Variants in RBM6 observed in about 807,000 individuals in gnomAD.
The protein encoded by RBM6 is RNA binding motif protein 6, also known as RNA-binding protein 6.
RBM6 carries 23 observed loss-of-function variants against 140.4 expected under a neutral mutation model. The observed-to-expected ratio is 0.16, with a 90% CI of 0.12 to 0.23. The LOEUF is 0.23. RBM6 is among the 10% of genes least tolerant of loss of function. The probability of loss-of-function intolerance (pLI) is 1.00; values close to 1 mark genes in which losing one functional copy is unlikely to be tolerated. For synonymous variants in RBM6, 439 were observed against 475.6 expected (o/e 0.92, Z 1.00); for missense variants, 1,139 against 1,386.7 (o/e 0.82, Z 2.84).
chr3:50,072,875 T>C (rs981216247), intron 19 of RBM6, among the ~76,000 whole-genome samples: 1 of 152,160 alleles, frequency 6.6e-6, no homozygotes, highest in Non-Finnish European at 1.5e-5. Flanking sequence ...AGACCCTTCT[T>C]TATTCTCAGC....
chr3:50,027,570 T>G (rs943916721), intron 6 of RBM6, among the ~76,000 whole-genome samples: 1 of 152,218 alleles, frequency 6.6e-6, no homozygotes, highest in Non-Finnish European at 1.5e-5. Context: ...GCTCTGGATA[T>G]TTCATATAAA....
At chr3:50,043,630 C>G (rs1328341130) in intron 6 of RBM6, among the ~76,000 whole-genome samples, 1 of 151,728 alleles carries the variant, frequency 6.6e-6, no homozygotes, top group African/African-American at 2.4e-5. Flanking sequence ...TCTTGCCAGG[C>G]TAGAGTGCAG....
intron 3 of RBM6, 92 bp downstream of exon 3, chr3:49,968,840 G>A: frequency 7.3e-7 from 1 of 1,378,998 alleles, no homozygotes; most frequent in East Asian, 2.5e-5. Flanking sequence ...GAGTGCAGTG[G>A]TGCGATCTCT....
Position 49,977,218 on chromosome 3 carries a change from C to T in RBM6, c.1483+1826C>T, listed in dbSNP as rs888098342. On this transcript the variant is annotated intron_variant, in intron 5 of 20. Coordinates refer to ENST00000266022, the MANE Select transcript of RBM6 (RefSeq NM_005777.3). ...TCCACCTACCCTATTTTGCTGTAGC[C>T]ACACTGAGCTTTTCTCTTGTCTTTG... 3.9e-5 allele frequency among the ~76,000 whole-genome samples: 6 copies of T among 152,186 alleles called. No homozygotes were observed. The South Asian group carries it at 1.2e-3, about 31-fold the overall frequency.
intron 17 of RBM6, among the ~76,000 whole-genome samples, chr3:50,066,962 G>T (rs2090143068): frequency 1.3e-5 from 2 of 152,032 alleles, no homozygotes; most frequent in Non-Finnish European, 2.9e-5. Context: ...AGGCACCTAG[G>T]TAGATCACTT....
Position 49,986,594 on chromosome 3 carries a change from C to CA in RBM6, c.1483+11217dup, listed in dbSNP as rs377686651. ...TGGGCAACAGAGCAAGACTCCGTCT[C>CA]AAAAAAAAAAAAAAACAAAACAAAA... On this transcript the variant is annotated intron_variant, in intron 5 of 20. Coordinates refer to ENST00000266022, the MANE Select transcript of RBM6 (RefSeq NM_005777.3). Among the ~76,000 whole-genome samples the CA allele has an allele frequency of 1.6e-3, 188 of 114,450 alleles. 1 individual carries two copies. Among genetic ancestry groups the CA allele is most frequent in the East Asian group, 0.014 (34 of 2,416 alleles). The allele number at this position is 114,450 out of a possible 152,430, so 75.1% of individuals were successfully genotyped here. A position where few individuals can be genotyped will look rare whatever the true frequency, so the allele number is the denominator to read the frequency against.
chr3:49,949,602 A>G (rs897390993), intron 1 of RBM6, among the ~76,000 whole-genome samples: 5 of 152,092 alleles, frequency 3.3e-5, no homozygotes, highest in Non-Finnish European at 5.9e-5. Context: ...GATGGTTTCA[A>G]TCTTATGACT....
chr3:50,058,291 C>T, intron 9 of RBM6, 111 bp from the exon 10 acceptor site: 1 of 1,232,354 alleles, frequency 8.1e-7, no homozygotes, highest in Non-Finnish European at 1.2e-6. Context: ...TTTACAGAAC[C>T]AGCCTTGCTA....
At chr3:49,942,046 AGG>A (rs2083305535) in intron 1 of RBM6, among the ~76,000 whole-genome samples, 1 of 151,404 alleles carries the variant, frequency 6.6e-6, no homozygotes, top group Non-Finnish European at 1.5e-5. Context: ...GGTTGTAGTA[AGG>A]GGAGATAGTG....
intron 6 of RBM6, among the ~76,000 whole-genome samples, chr3:50,029,873 A>G (rs1483607464): frequency 1.3e-5 from 2 of 151,130 alleles, no homozygotes; most frequent in African/African-American, 4.9e-5. Flanking sequence ...AATTTTTTAA[A>G]AAGAAATTTA....
At chr3:50,024,989 TCAAAAAA>T (rs754003289) in intron 6 of RBM6, among the ~76,000 whole-genome samples, 107 of 148,220 alleles carry the variant, frequency 7.2e-4, no homozygotes, top group African/African-American at 2.2e-3. Context: ...AGACTCCGTC[TCAAAAAA>T]CAAAAAACAA....
At chr3:50,043,506 T>C (rs1209715229) in intron 6 of RBM6, among the ~76,000 whole-genome samples, 4 of 146,956 alleles carry the variant, frequency 2.7e-5, no homozygotes. Flanking sequence ...AAAAGAGAGA[T>C]CTATCTCTCT....
intron 5 of RBM6, among the ~76,000 whole-genome samples, chr3:49,987,501 A>T (rs1437478576): frequency 6.6e-6 from 1 of 151,858 alleles, no homozygotes; most frequent in South Asian, 2.1e-4. Flanking sequence ...TAATTTTAGT[A>T]GAGACAGGTT....
At chr3:50,069,852 C>T (rs1023280625) in intron 18 of RBM6, among the ~76,000 whole-genome samples, 1 of 152,092 alleles carries the variant, frequency 6.6e-6, no homozygotes, top group African/African-American at 2.4e-5. Context: ...GCTTTGGACT[C>T]CTTAAGTTTT....
At chr3:50,070,391 A>G in intron 18 of RBM6, 64 bp from the exon 19 acceptor site, 1 of 1,164,282 alleles carries the variant, frequency 8.6e-7, no homozygotes, top group Non-Finnish European at 1.3e-6. Context: ...AATGGGGTAG[A>G]ATTTCCCCAC....
chr3:50,063,465 T>C (rs1279079154), intron 15 of RBM6, among the ~76,000 whole-genome samples: 2 of 151,546 alleles, frequency 1.3e-5, no homozygotes, highest in African/African-American at 4.9e-5. Flanking sequence ...TAGCCTACTG[T>C]GGTGATGCAT....
intron 6 of RBM6, among the ~76,000 whole-genome samples, chr3:50,007,026 A>G (rs1261026243): frequency 1.3e-5 from 2 of 151,906 alleles, no homozygotes; most frequent in Non-Finnish European, 2.9e-5. Context: ...CAAAGTCTTA[A>G]GTTACAGCAG....
chr3:49,962,690 G>GCTTT lies in RBM6; in HGVS notation c.44+5_44+6insCTTT. 6.4e-7 allele frequency: 1 copy of GCTTT among 1,568,512 alleles called. No homozygotes were observed. The highest frequency in any genetic ancestry group is 2.1e-5 in the Admixed American group (1 of 48,522). ...TAACAGAACTGGACCTTTTCGGTAA[G>GCTTT]TTCTCAAATTTGAATATTGAAATTG... On this transcript the variant is annotated splice_donor_region_variant and intron_variant, in intron 2 of 20. Coordinates refer to ENST00000266022, the MANE Select transcript of RBM6 (RefSeq NM_005777.3).
At chr3:49,971,986 C>A in intron 3 of RBM6, 73 bp from the exon 4 acceptor site, 1 of 1,164,672 alleles carries the variant, frequency 8.6e-7, no homozygotes, top group Non-Finnish European at 1.3e-6. Context: ...TCCTGAGTGG[C>A]TAAATTTCAT....
Sources: gnomAD v4.1 joint callset for allele counts (sites outside exome capture counted in the v4.1 genomes callset) on GRCh38, gnomAD v4.1.1 for gene constraint, MANE v1.5 for transcripts, NCBI Gene and HGNC (gene_info 2026-07-23, HGNC 2026-07-21) for gene names.